Variants in GUCY2F observed in about 807,000 individuals in gnomAD.
GUCY2F encodes the protein guanylate cyclase 2F, retinal.
Under a neutral mutation model 73.1 loss-of-function variants are expected in GUCY2F, and 61 were observed. The ratio of observed to expected loss-of-function variants is 0.83; its 90% CI spans 0.68 to 1.03. GUCY2F has a LOEUF of 1.03. Ranked by LOEUF, GUCY2F falls within the 50% of genes least tolerant of loss-of-function variation. The pLI, the probability that GUCY2F is intolerant of heterozygous loss-of-function variation, is 0.00. For missense variants in GUCY2F, 912 were observed against 854.3 expected, an observed-to-expected ratio of 1.07 and a Z score of -0.84; for synonymous variants, 331 against 307.8, an observed-to-expected ratio of 1.08 and a Z score of -0.79.
intron 8 of GUCY2F, among the ~76,000 whole-genome samples, chrX:109,427,711 A>G (rs1931520503): frequency 8.9e-6 from 1 of 112,394 alleles, no homozygotes; most frequent in Non-Finnish European, 1.9e-5. Flanking sequence ...AAGCACATCT[A>G]CATGGTAAAT....
chrX:109,465,060 T>C, intron 3 of GUCY2F, 82 bp downstream of exon 3: 3 of 717,187 alleles, frequency 4.2e-6, no homozygotes, highest in East Asian at 6.5e-5. Flanking sequence ...TCCTATGGAA[T>C]TGAGACTGTT....
chrX:109,407,331 A>T, intron 9 of GUCY2F, among the ~76,000 whole-genome samples: 1 of 112,891 alleles, frequency 8.9e-6, no homozygotes, highest in Admixed American at 9.3e-5. Context: ...CTGGCAGAAG[A>T]CATTTCTAAG....
intron 9 of GUCY2F, among the ~76,000 whole-genome samples, 185 bp from the exon 10 acceptor site, chrX:109,404,669 A>C (rs1339387986): frequency 8.9e-6 from 1 of 112,251 alleles, no homozygotes; most frequent in Non-Finnish European, 1.9e-5. Flanking sequence ...GTAGCTCTAA[A>C]ATTTTATGCT....
At chrX:109,376,474 G>A (rs1930184241) in intron 17 of GUCY2F, among the ~76,000 whole-genome samples, 1 of 112,165 alleles carries the variant, frequency 8.9e-6, no homozygotes, top group Non-Finnish European at 1.9e-5. Flanking sequence ...TTGGCATTAG[G>A]TAAGCCATTG....
chrX:109,474,839 G>A (rs1271500541), intron 2 of GUCY2F, among the ~76,000 whole-genome samples: 2 of 111,681 alleles, frequency 1.8e-5, no homozygotes, highest in Admixed American at 9.5e-5. Flanking sequence ...CAAAAATGAA[G>A]CCATAAGAAG....
In GUCY2F at chrX:109,398,505, G is replaced by C. The variant is rs375479129; in HGVS notation, c.2275+44C>G. The stretch of plus-strand genomic sequence containing the variant: ...CAGCCTGAGTTGGTCTGATGATCTC[G>C]GTCATGGTGGACCCCTGGGGCCCTT... On this transcript the variant is annotated intron_variant, in intron 11 of 19. Transcript: ENST00000218006. The C allele has an allele frequency of 1.8e-5, 21 of 1,143,680 alleles. No individual in the cohort carries two copies. The African/African-American group carries it at 3.2e-4, about 18-fold the overall frequency. The allele number at this position is 1,143,680 out of a possible 1,213,427, so 94.3% of individuals were successfully genotyped here.
At chrX:109,382,371 G>A (rs1246634454) in intron 16 of GUCY2F, among the ~76,000 whole-genome samples, 159 bp from the exon 17 acceptor site, 1 of 112,424 alleles carries the variant, frequency 8.9e-6, no homozygotes, top group Non-Finnish European at 1.9e-5. Flanking sequence ...AGGAGACGGA[G>A]TGATGGCCTT....
chrX:109,453,250 AAAGAGTGGGATT>A (rs1932174525), intron 4 of GUCY2F, among the ~76,000 whole-genome samples: 1 of 111,355 alleles, frequency 9.0e-6, no homozygotes, highest in South Asian at 3.8e-4. Flanking sequence ...GCTCTTTGGG[AAAGAGTGGGATT>A]CTTTTTGAAA....
chrX:109,469,266 C>T (rs768554830), intron 2 of GUCY2F, among the ~76,000 whole-genome samples: 4 of 111,240 alleles, frequency 3.6e-5, no homozygotes, highest in African/African-American at 1.3e-4. Context: ...CATGAAACTC[C>T]GGGAGAAGCC....
Position 109,376,005 on chromosome X carries a change from A to T in GUCY2F, c.3240-19T>A, listed in dbSNP as rs1430987738. 2 of 1,176,573 alleles carry T rather than the reference A, an allele frequency of 1.7e-6. No individual in the cohort carries two copies. The highest frequency in any genetic ancestry group is 3.5e-5 in the African/African-American group (2 of 56,714). The stretch of plus-strand genomic sequence containing the variant: ...CACTTGCCTGCAGGGCAGGGGAGAC[A>T]TCAAATAGGTAGTGAAGAAAGTGTG... On this transcript the variant is annotated intron_variant, in intron 18 of 19. Coordinates refer to ENST00000218006, the MANE Select transcript of GUCY2F (RefSeq NM_001522.3).
At chrX:109,450,454 T>C (rs951332354) in intron 5 of GUCY2F, among the ~76,000 whole-genome samples, 4 of 111,932 alleles carry the variant, frequency 3.6e-5, no homozygotes, top group African/African-American at 9.7e-5. Context: ...ATTTCCCACA[T>C]TGCCATGGGA....
chrX:109,461,334 T>C (rs1932357268), intron 3 of GUCY2F, among the ~76,000 whole-genome samples: 1 of 112,361 alleles, frequency 8.9e-6, no homozygotes, highest in Admixed American at 9.4e-5. Flanking sequence ...ATATAAACCT[T>C]TTAGCATTTC....
intron 2 of GUCY2F, among the ~76,000 whole-genome samples, chrX:109,467,759 G>A (rs761931054): frequency 8.9e-6 from 1 of 112,358 alleles, no homozygotes; most frequent in African/African-American, 3.2e-5. Flanking sequence ...TCAACTTTCA[G>A]AGATTTTGTG....
chrX:109,373,630 A>T (rs144354113), intron 19 of GUCY2F, among the ~76,000 whole-genome samples: 1 of 111,878 alleles, frequency 8.9e-6, no homozygotes. Context: ...AAAACTGCCA[A>T]CTTCCCCATT....
chrX:109,454,985 T>G (rs1932228125), intron 3 of GUCY2F, among the ~76,000 whole-genome samples: 1 of 112,001 alleles, frequency 8.9e-6, no homozygotes, highest in African/African-American at 3.2e-5. Flanking sequence ...GTGAATCATT[T>G]TTTATTAGAA....
At chrX:109,398,770 C>A in intron 10 of GUCY2F, 72 bp from the exon 11 acceptor site, 1 of 952,538 alleles carries the variant, frequency 1.0e-6, no homozygotes, top group Non-Finnish European at 1.5e-6. Flanking sequence ...CTCAAGGGCT[C>A]AGAGGGTACT....
rs776594329 is a variant in GUCY2F, at chrX:109,431,917, A to G, written c.1702-1521T>C. ...ACCTTCAGCAGCTGGAAAAAAAAAAAAAAAAGAAAAAAAACTGCACTGGCC... is the reference window on the plus strand; with the variant it reads ...ACCTTCAGCAGCTGGAAAAAAAAAAGAAAAAGAAAAAAAACTGCACTGGCC... On this transcript the variant is annotated intron_variant, in intron 7 of 19. Transcript: ENST00000218006. Among the ~76,000 whole-genome samples the G allele has an allele frequency of 8.3e-5, 9 of 108,088 alleles. No individual in the cohort carries two copies. In the South Asian group the frequency reaches 2.0e-3, roughly 24 times the overall value. 93.9% of individuals were successfully genotyped at this position (108,088 alleles called of 115,157 possible). A position where few individuals can be genotyped will look rare whatever the true frequency, so the allele number is the denominator to read the frequency against.
At chrX:109,411,465 T>A (rs1404146456) in intron 8 of GUCY2F, among the ~76,000 whole-genome samples, 1 of 111,307 alleles carries the variant, frequency 9.0e-6, no homozygotes, top group Non-Finnish European at 1.9e-5. Flanking sequence ...AGTTTCCAGC[T>A]GAAATCAAAT....
chrX:109,399,077 CTA>C (rs1236503827), intron 10 of GUCY2F, among the ~76,000 whole-genome samples: 2 of 112,259 alleles, frequency 1.8e-5, no homozygotes, highest in East Asian at 5.6e-4. Flanking sequence ...TTGCTGAGAT[CTA>C]TATGTGTCTG....
Sources: gnomAD v4.1 joint callset for allele counts (sites outside exome capture counted in the v4.1 genomes callset) on GRCh38, gnomAD v4.1.1 for gene constraint, MANE v1.5 for transcripts, NCBI Gene and HGNC (gene_info 2026-07-23, HGNC 2026-07-21) for gene names.